UTRN: variants seen among roughly 807,000 people sequenced by gnomAD.
UTRN encodes the protein dystrophin-related protein 1.
In UTRN, 283 loss-of-function variants were observed where a neutral mutation model predicts 463.9. The observed-to-expected ratio is 0.61, with a 90% CI of 0.55 to 0.67. The LOEUF (loss-of-function observed/expected upper bound fraction) is 0.67, where lower values mean the gene tolerates loss of function less well. UTRN is among the 30% of genes least tolerant of loss of function. The pLI is 0.00. For missense variants in UTRN, 3,922 were observed against 4,084.3 expected, an observed-to-expected ratio of 0.96 and a Z score of 1.08; for synonymous variants, 1,442 against 1,431.5, an observed-to-expected ratio of 1.01 and a Z score of -0.17.
At chr6:144,716,771 C>G (rs183082454) in intron 53 of UTRN, among the ~76,000 whole-genome samples, 1 of 152,030 alleles carries the variant, frequency 6.6e-6, no homozygotes, top group African/African-American at 2.4e-5. Context: ...GTTTTTATGT[C>G]ATCTTTTTCA....
rs556980463 is a variant in UTRN at position 144,490,271 on chromosome 6, G to T, written c.4263+72G>T. 10 of 1,545,926 alleles carry T rather than the reference G, an allele frequency of 6.5e-6. No homozygotes were observed. The East Asian group carries it at 1.8e-4, about 28-fold the overall frequency. ...TTTTCTTCAAAAAAGAGAAAGAATTGATTACTTGGGCACCGTTTGTATTCT... is the reference window on the plus strand; with the variant it reads ...TTTTCTTCAAAAAAGAGAAAGAATTTATTACTTGGGCACCGTTTGTATTCT... On this transcript the variant is annotated intron_variant, in intron 31 of 74. Coordinates refer to ENST00000367545, the MANE Select transcript of UTRN (RefSeq NM_007124.3).
At chr6:144,623,611 A>T (rs1020889642) in intron 51 of UTRN, among the ~76,000 whole-genome samples, 2 of 152,224 alleles carry the variant, frequency 1.3e-5, no homozygotes, top group Non-Finnish European at 2.9e-5. Context: ...TTACTAAGTC[A>T]GCTGTTTGGA....
At chr6:144,493,613 G>A (rs551374480) in intron 33 of UTRN, among the ~76,000 whole-genome samples, 157 bp downstream of exon 33, 2 of 152,060 alleles carry the variant, frequency 1.3e-5, no homozygotes, top group Admixed American at 6.5e-5. Flanking sequence ...TCAATTTATT[G>A]TAATAATTGT....
intron 51 of UTRN, among the ~76,000 whole-genome samples, chr6:144,641,855 T>G (rs1777807612): frequency 6.6e-6 from 1 of 152,244 alleles, no homozygotes; most frequent in Non-Finnish European, 1.5e-5. Flanking sequence ...TTGGTTGACT[T>G]TATGCTTTTC....
chr6:144,661,882 C>T (rs1779903527), intron 51 of UTRN, among the ~76,000 whole-genome samples: 1 of 152,086 alleles, frequency 6.6e-6, no homozygotes, highest in African/African-American at 2.4e-5. Context: ...GCATGTTTCC[C>T]CTTTTAACTC....
intron 63 of UTRN, among the ~76,000 whole-genome samples, chr6:144,797,518 A>G (rs1212423323): frequency 6.6e-6 from 1 of 152,204 alleles, no homozygotes; most frequent in Non-Finnish European, 1.5e-5. Context: ...AGAATTATTT[A>G]TGTAAAAAGA....
chr6:144,595,587 T>A (rs1014772598), intron 51 of UTRN, among the ~76,000 whole-genome samples: 1 of 152,190 alleles, frequency 6.6e-6, no homozygotes, highest in Non-Finnish European at 1.5e-5. Context: ...AAACTGGGGC[T>A]ACATAAAAGG....
At position 144,516,895 on chromosome 6, in the gene UTRN, G is replaced by A. The variant is rs766479800; in HGVS notation, c.5488G>A (p.Glu1830Lys). Reference protein sequence around the residue: ...LHQPMEDNKKEKIRLQLLLLH... With the variant: ...LHQPMEDNKKKKIRLQLLLLH... ...TCAACCTATGGAAGATAATAAAAAA[G>A]AAAAGATCCGTTTGCAATTATTACT... The change falls in exon 39 of 75, where the codon GAA becomes AAA. Residue 1830 changes from glutamate (E) to lysine (K), a missense_variant. By Grantham distance (56) the Glu-to-Lys change is moderately conservative. Around this residue, in one of 3 missense-constraint regions of UTRN, gnomAD observed 2,349 missense variants for 2,303.8 expected, o/e 1.02. Coordinates refer to ENST00000367545, the MANE Select transcript of UTRN (RefSeq NM_007124.3). 6.6e-7 allele frequency: 1 copy of A among 1,506,096 alleles called. No individual in the cohort carries two copies. The highest frequency in any genetic ancestry group is 1.4e-5 in the South Asian group (1 of 72,988). The allele number at this position is 1,506,096 out of a possible 1,614,324, so 93.3% of individuals were successfully genotyped here.
At chr6:144,519,697 G>A (rs776482885) in intron 39 of UTRN, among the ~76,000 whole-genome samples, 5 of 152,172 alleles carry the variant, frequency 3.3e-5, no homozygotes, top group Admixed American at 6.5e-5. Context: ...TGCTGCTTCT[G>A]CAAGAGTGGG....
At chr6:144,389,502 T>A (rs1046355081) in intron 2 of UTRN, among the ~76,000 whole-genome samples, 20 of 152,132 alleles carry the variant, frequency 1.3e-4, no homozygotes, top group African/African-American at 3.9e-4. Flanking sequence ...CTTAAAAAAA[T>A]TTTTTTTGCA....
At chr6:144,678,970 A>G (rs187239185) in intron 52 of UTRN, among the ~76,000 whole-genome samples, 101 of 152,260 alleles carry the variant, frequency 6.6e-4, no homozygotes, top group African/African-American at 2.3e-3. Flanking sequence ...CTATGAGGAA[A>G]CAGAGGTTTA....
Position 144,828,803 on chromosome 6 carries a change from G to A in UTRN, c.9613G>A (p.Glu3205Lys), listed in dbSNP as rs1780414104. 6.2e-7 allele frequency: 1 copy of A among 1,613,440 alleles called. No individual in the cohort carries two copies. The highest frequency in any genetic ancestry group is 1.3e-5 in the African/African-American group (1 of 74,994). ...EQYATRLAQM[E>K]RTNGSFLTDS... Reference sequence around the variant, plus strand: ...TTTATTTTGCAGACTGGCCCAGATGGAAAGGACTAATGGGTCTTTTCTCAC... The same window carrying A: ...TTTATTTTGCAGACTGGCCCAGATGAAAAGGACTAATGGGTCTTTTCTCAC... Residue 3205 changes from glutamate (E) to lysine (K), a missense_variant, in exon 69 of 75, where the codon GAA becomes AAA. Glu to Lys is a moderately conservative substitution (Grantham distance 56). Coordinates refer to ENST00000367545, the MANE Select transcript of UTRN (RefSeq NM_007124.3).
intron 54 of UTRN, among the ~76,000 whole-genome samples, chr6:144,734,195 G>A (rs4463276): frequency 0.46 from 69,531 of 151,814 alleles, 21,165 homozygotes; most frequent in East Asian, 0.87. Context: ...CCGTAAATAT[G>A]TATACACTTA....
intron 16 of UTRN, 91 bp downstream of exon 16, chr6:144,447,872 TA>T: frequency 1.5e-6 from 2 of 1,358,176 alleles, no homozygotes; most frequent in Non-Finnish European, 2.0e-6. Flanking sequence ...TGAAATAAAC[TA>T]AAAAGTTGTT....
intron 46 of UTRN, among the ~76,000 whole-genome samples, chr6:144,544,287 T>G (rs1214543503): frequency 6.6e-5 from 10 of 152,194 alleles, no homozygotes; most frequent in African/African-American, 2.4e-4. Flanking sequence ...AAATTAACCA[T>G]TTTAAAGTGA....
chr6:144,318,901 C>T (rs1775454292), intron 2 of UTRN, among the ~76,000 whole-genome samples: 1 of 152,128 alleles, frequency 6.6e-6, no homozygotes, highest in South Asian at 2.1e-4. Context: ...TGAAACTCCT[C>T]TCTACAAAAA....
intron 58 of UTRN, among the ~76,000 whole-genome samples, chr6:144,769,295 A>G (rs755051071): frequency 6.6e-6 from 1 of 152,052 alleles, no homozygotes. Flanking sequence ...TAAAAAAAAA[A>G]CAGCAGCCAA....
chr6:144,622,717 A>G (rs952192007), intron 51 of UTRN, among the ~76,000 whole-genome samples: 86 of 152,330 alleles, frequency 5.6e-4, no homozygotes, highest in Non-Finnish European at 1.8e-4. Flanking sequence ...ATGAACATTT[A>G]TAGGCTTTTA....
At chr6:144,361,772 C>CTTTTT (rs371182123) in intron 2 of UTRN, among the ~76,000 whole-genome samples, 9 of 134,806 alleles carry the variant, frequency 6.7e-5, no homozygotes, top group African/African-American at 2.0e-4. Context: ...TTCTTTCTTT[C>CTTTTT]TTTTTTTTTT....
Sources: gnomAD v4.1 joint callset for allele counts (sites outside exome capture counted in the v4.1 genomes callset) on GRCh38, gnomAD v4.1.1 for gene constraint, gnomAD v4.1.1 regional missense constraint, MANE v1.5 for transcripts, NCBI Gene and HGNC (gene_info 2026-07-23, HGNC 2026-07-21) for gene names.